NKAIN3: variants seen among roughly 807,000 people sequenced by gnomAD.
The protein encoded by NKAIN3 is sodium/potassium-transporting ATPase subunit beta-1-interacting protein 3.
Under a neutral mutation model 30.2 loss-of-function variants are expected in NKAIN3, and 25 were observed. The observed-to-expected ratio is 0.83, with a 90% CI of 0.60 to 1.16. The LOEUF is 1.16. NKAIN3 is among the 50% of genes most tolerant of loss of function. The probability of loss-of-function intolerance (pLI) is 0.00; values close to 1 mark genes in which losing one functional copy is unlikely to be tolerated. For missense variants in NKAIN3, 225 were observed against 254.1 expected, an observed-to-expected ratio of 0.89 and a Z score of 0.78; for synonymous variants, 91 against 89.6, an observed-to-expected ratio of 1.02 and a Z score of -0.09.
intron 1 of NKAIN3, among the ~76,000 whole-genome samples, chr8:62,403,688 T>C (rs1803962536): frequency 6.6e-6 from 1 of 152,224 alleles, no homozygotes; most frequent in Admixed American, 6.5e-5. Flanking sequence ...AATGCCTCGA[T>C]GTCAGGCAGA....
chr8:62,732,853 T>C (rs542930445), intron 3 of NKAIN3, among the ~76,000 whole-genome samples: 2 of 152,252 alleles, frequency 1.3e-5, no homozygotes, highest in Admixed American at 1.3e-4. Context: ...AATACTTCTG[T>C]GTCCAGATGC....
At chr8:62,684,801 G>A (rs1176210735) in intron 3 of NKAIN3, among the ~76,000 whole-genome samples, 2 of 152,136 alleles carry the variant, frequency 1.3e-5, no homozygotes, top group East Asian at 3.9e-4. Flanking sequence ...GAGAAAAGGA[G>A]ATTATGACAC....
chr8:62,258,789 A>G (rs907252325), intron 1 of NKAIN3, among the ~76,000 whole-genome samples: 1 of 152,240 alleles, frequency 6.6e-6, no homozygotes, highest in African/African-American at 2.4e-5. Flanking sequence ...GACTGACAAG[A>G]TGTTACTGAG....
At chr8:62,921,982 C>A (rs539949132) in intron 5 of NKAIN3, among the ~76,000 whole-genome samples, 13 of 152,224 alleles carry the variant, frequency 8.5e-5, no homozygotes, top group Non-Finnish European at 1.8e-4. Flanking sequence ...TATTAGGCTG[C>A]AAATTGCAAC....
chr8:62,842,831 C>A (rs879879054), intron 4 of NKAIN3, among the ~76,000 whole-genome samples: 7 of 151,964 alleles, frequency 4.6e-5, no homozygotes, highest in Admixed American at 3.3e-4. Context: ...TGAAATTAGA[C>A]CCTTACCTTA....
At chr8:62,447,388 G>A (rs773780834) in intron 1 of NKAIN3, among the ~76,000 whole-genome samples, 13 of 151,914 alleles carry the variant, frequency 8.6e-5, no homozygotes, top group African/African-American at 1.7e-4. Context: ...AGTCAAACCC[G>A]TCTATTTCCC....
intron 1 of NKAIN3, among the ~76,000 whole-genome samples, chr8:62,339,544 A>G (rs1174091539): frequency 6.6e-6 from 1 of 152,038 alleles, no homozygotes; most frequent in Non-Finnish European, 1.5e-5. Context: ...TTGAACATAG[A>G]AATATGGAGA....
chr8:62,626,591 G>T (rs957396346), intron 3 of NKAIN3, among the ~76,000 whole-genome samples: 2 of 152,104 alleles, frequency 1.3e-5, no homozygotes, highest in African/African-American at 4.8e-5. Context: ...TTTGGGGACA[G>T]ACTCCTGGGC....
Position 62,376,345 on chromosome 8 carries a change from G to C in NKAIN3, c.54+127218G>C, listed in dbSNP as rs146609279. ...CCTAAATGTTCTAGCTTCTTTCCTTGCCTTAATCTTGAATTTAATTCTTTT... is the reference window on the plus strand; with the variant it reads ...CCTAAATGTTCTAGCTTCTTTCCTTCCCTTAATCTTGAATTTAATTCTTTT... On this transcript the variant is annotated intron_variant, in intron 1 of 6. Transcript: ENST00000623646. Among the ~76,000 whole-genome samples, 182 of 152,282 alleles carry C rather than the reference G, an allele frequency of 1.2e-3. 5 individuals carry two copies. In the East Asian group the frequency reaches 0.03, roughly 25 times the overall value.
intron 3 of NKAIN3, among the ~76,000 whole-genome samples, chr8:62,731,164 A>G (rs1017800706): frequency 6.6e-6 from 1 of 151,860 alleles, no homozygotes; most frequent in Non-Finnish European, 1.5e-5. Context: ...TCAAACAGCA[A>G]AACTGAAGTG....
chr8:62,804,087 C>A (rs1818180027), intron 4 of NKAIN3, among the ~76,000 whole-genome samples: 1 of 152,142 alleles, frequency 6.6e-6, no homozygotes, highest in African/African-American at 2.4e-5. Flanking sequence ...TCTGAATAGA[C>A]CAATAACAGG....
intron 4 of NKAIN3, among the ~76,000 whole-genome samples, chr8:62,850,941 T>C (rs188821210): frequency 6.6e-6 from 1 of 152,158 alleles, no homozygotes; most frequent in East Asian, 1.9e-4. Flanking sequence ...CTATGTGGGG[T>C]CTTTTTTGGT....
In NKAIN3 at chr8:62,973,636, T is replaced by C. The variant is rs568369722; in HGVS notation, c.*8229T>C. Among the ~76,000 whole-genome samples the C allele has an allele frequency of 6.6e-6, 1 of 152,214 alleles. No homozygotes were observed. Among genetic ancestry groups the C allele is most frequent in the Non-Finnish European group, 1.5e-5 (1 of 68,016 alleles). On this transcript the variant is annotated 3_prime_UTR_variant, in exon 7 of 7. Transcript: ENST00000623646. ...GGTTGCCTGTTCACTCTGATAATAGTTTCTTTTGCTGCACAGAAGCTCCTT... is the reference window on the plus strand; with the variant it reads ...GGTTGCCTGTTCACTCTGATAATAGCTTCTTTTGCTGCACAGAAGCTCCTT...
intron 4 of NKAIN3, among the ~76,000 whole-genome samples, chr8:62,795,887 T>A (rs1419243255): frequency 2.0e-5 from 3 of 152,142 alleles, no homozygotes; most frequent in Non-Finnish European, 4.4e-5. Flanking sequence ...TGTATGCATG[T>A]GTGTATGTAT....
intron 1 of NKAIN3, among the ~76,000 whole-genome samples, chr8:62,403,458 G>A (rs1038031242): frequency 6.6e-6 from 1 of 152,282 alleles, no homozygotes; most frequent in Middle Eastern, 3.4e-3. Flanking sequence ...AAATGGGCCA[G>A]ATCCAGGGCT....
intron 2 of NKAIN3, 29 bp downstream of exon 2, chr8:62,579,705 A>G: frequency 7.7e-7 from 1 of 1,306,622 alleles, no homozygotes; most frequent in Non-Finnish European, 1.0e-6. Context: ...ATTTTGCTTC[A>G]TATAAACAAT....
chr8:62,641,716 G>A (rs1424814264), intron 3 of NKAIN3, among the ~76,000 whole-genome samples: 1 of 152,120 alleles, frequency 6.6e-6, no homozygotes, highest in African/African-American at 2.4e-5. Flanking sequence ...AGTTATCTGA[G>A]TAACCTATTC....
At chr8:62,888,944 G>T (rs562525366) in intron 4 of NKAIN3, among the ~76,000 whole-genome samples, 1 of 152,226 alleles carries the variant, frequency 6.6e-6, no homozygotes, top group African/African-American at 2.4e-5. Context: ...GAACTGATTT[G>T]AGAGGTTCCA....
At chr8:62,310,551 A>G (rs1260396101) in intron 1 of NKAIN3, among the ~76,000 whole-genome samples, 1 of 150,576 alleles carries the variant, frequency 6.6e-6, no homozygotes, top group Non-Finnish European at 1.5e-5. Flanking sequence ...GATACATGGG[A>G]CTTTTTCCTT....
Sources: gnomAD v4.1 joint callset for allele counts (sites outside exome capture counted in the v4.1 genomes callset) on GRCh38, gnomAD v4.1.1 for gene constraint, MANE v1.5 for transcripts, NCBI Gene and HGNC (gene_info 2026-07-23, HGNC 2026-07-21) for gene names.